The following ARHGEF1 variants were observed in gnomAD, a reference collection of about 807,000 sequenced individuals.
The protein encoded by ARHGEF1 is 115 kDa guanine nucleotide exchange factor.
ARHGEF1 carries 40 observed loss-of-function variants against 119.7 expected under a neutral mutation model. The observed-to-expected ratio is 0.33, with a 90% CI of 0.26 to 0.44. The LOEUF is 0.44. Ranked by LOEUF, ARHGEF1 falls within the 20% of genes least tolerant of loss-of-function variation. The probability of loss-of-function intolerance (pLI) is 1.00; values close to 1 mark genes in which losing one functional copy is unlikely to be tolerated. For missense variants in ARHGEF1, 976 were observed against 1,268.3 expected, an observed-to-expected ratio of 0.77 and a Z score of 3.50; for synonymous variants, 494 against 521.0, an observed-to-expected ratio of 0.95 and a Z score of 0.71.
At chr19:41,914,321 C>A (rs1424858101) in intron 18 of ARHGEF1, among the ~76,000 whole-genome samples, 2 of 151,380 alleles carry the variant, frequency 1.3e-5, no homozygotes, top group Non-Finnish European at 2.9e-5. Context: ...CCTTCCGTCT[C>A]CCCCCACCAT....
chr19:41,887,462 G>C (rs1465274675), intron 1 of ARHGEF1, among the ~76,000 whole-genome samples: 1 of 152,072 alleles, frequency 6.6e-6, no homozygotes, highest in Non-Finnish European at 1.5e-5. Context: ...GGGGAAAGAA[G>C]AACTTCTGGG....
chr19:41,894,773 A>G (rs1599642969), intron 11 of ARHGEF1, 112 bp downstream of exon 11: 3 of 844,478 alleles, frequency 3.6e-6, no homozygotes, highest in Admixed American at 2.3e-5. Flanking sequence ...CCTGGTTCTG[A>G]GGGAGGAGGG....
intron 1 of ARHGEF1, among the ~76,000 whole-genome samples, chr19:41,884,123 TAGG>T (rs1434849942): frequency 5.3e-5 from 8 of 151,978 alleles, no homozygotes; most frequent in Admixed American, 2.0e-4. Flanking sequence ...CTGGGGTGAC[TAGG>T]AGATCTCCGA....
At position 41,903,376 on chromosome 19, in the gene ARHGEF1, A is replaced by G. The variant is rs1555849463; in HGVS notation, c.1808A>G (p.Asn603Ser). 1.2e-6 allele frequency: 2 copies of G among 1,613,818 alleles called. No homozygotes were observed. The highest frequency in any genetic ancestry group is 1.3e-5 in the African/African-American group (1 of 74,922). ...ECCREILHHVNQAVRDMEDLL... is the reference protein window; with the variant it reads ...ECCREILHHVSQAVRDMEDLL... ...TGCCGGGAAATTCTACACCACGTCA[A>G]CCAAGCCGTGCGTGACATGGAGGAC... Residue 603 changes from asparagine to serine, a missense_variant, in exon 19 of 29, where the codon AAC becomes AGC. Physicochemically the swap from Asn to Ser is conservative, Grantham distance 46. Coordinates refer to ENST00000354532, the MANE Select transcript of ARHGEF1 (RefSeq NM_004706.4). This position sits in a 1 kb window ranked among gnomAD's most constrained non-coding sequence, Gnocchi z 4.2.
In ARHGEF1 at chr19:41,906,167, ACTGTCCTGGGTGCCC is replaced by A; in HGVS notation, c.2491+143_2491+157del. ...GCTCCAAACCCACCCAGCCTGCACC[ACTGTCCTGGGTGCCC>A]ACGTCCCTCTTCTGCAGCCACCATC... On this transcript the variant is annotated intron_variant, in intron 26 of 28. Transcript: ENST00000354532. The surrounding 1 kb of genome is among the most constrained non-coding windows in gnomAD (Gnocchi z 4.5). 2 of 806,708 alleles carry A rather than the reference ACTGTCCTGGGTGCCC, an allele frequency of 2.5e-6. No individual in the cohort carries two copies. The highest frequency in any genetic ancestry group is 4.0e-6 in the Non-Finnish European group (2 of 502,986). 50.0% of individuals were successfully genotyped at this position (806,708 alleles called of 1,614,324 possible).
In ARHGEF1 at chr19:41,902,936, CT is replaced by C. The variant is rs368741474; in HGVS notation, c.1738+48del. ...TGGATCTCTGGGCCTCGGCTCTCCT[CT>C]TTTTTTTTTACATTTTTTTTCTCAC... On this transcript the variant is annotated intron_variant, in intron 18 of 28. Transcript: ENST00000354532. The surrounding 1 kb of genome is among the most constrained non-coding windows in gnomAD (Gnocchi z 6.5). 6,814 of 1,238,260 alleles carry C rather than the reference CT, an allele frequency of 5.5e-3. 3 individuals carry two copies. The highest frequency in any genetic ancestry group is 0.016 in the African/African-American group (1,000 of 64,100). 76.7% of individuals were successfully genotyped at this position (1,238,260 alleles called of 1,614,324 possible).
rs934353746 is a variant in ARHGEF1 at position 41,902,083 on chromosome 19, G to A, written c.1414+50G>A. The A allele has an allele frequency of 6.2e-7, 1 of 1,606,358 alleles. No individual in the cohort carries two copies. Among genetic ancestry groups the A allele is most frequent in the Non-Finnish European group, 8.5e-7 (1 of 1,175,586 alleles). On this transcript the variant is annotated intron_variant, in intron 15 of 28. Transcript: ENST00000354532. This position sits in a 1 kb window ranked among gnomAD's most constrained non-coding sequence, Gnocchi z 6.5. ...TGTGTACCCCACTGCCCCACGGGCA[G>A]CTCTGCTCTAGCCCTGGGTTCAACC...
Position 41,892,504 on chromosome 19 carries a change from G to A in ARHGEF1, c.368-99G>A, listed in dbSNP as rs1376745628. Reference sequence around the variant, plus strand: ...GATTCATTCATTCCTTCTTGGCAGCGGCCTCAGGACGTGTGGCTGTTGGAG... The same window carrying A: ...GATTCATTCATTCCTTCTTGGCAGCAGCCTCAGGACGTGTGGCTGTTGGAG... On this transcript the variant is annotated intron_variant, in intron 6 of 28. Coordinates refer to ENST00000354532, the MANE Select transcript of ARHGEF1 (RefSeq NM_004706.4). The surrounding 1 kb of genome is among the most constrained non-coding windows in gnomAD (Gnocchi z 6.3). The A allele has an allele frequency of 2.0e-5, 32 of 1,580,572 alleles. No homozygotes were observed. The South Asian group carries it at 2.1e-4, about 10-fold the overall frequency.
At chr19:41,884,522 A>G in intron 1 of ARHGEF1, 1 of 1,605,070 alleles carries the variant, frequency 6.2e-7, no homozygotes, top group African/African-American at 1.3e-5. Flanking sequence ...AGCGGGTGTC[A>G]GACCCTGACT....
intron 14 of ARHGEF1, among the ~76,000 whole-genome samples, chr19:41,899,393 A>G (rs1245411675): frequency 1.3e-5 from 2 of 151,992 alleles, no homozygotes; most frequent in African/African-American, 2.4e-5. Context: ...TCAGTATATT[A>G]GCAGTGCTTG....
At chr19:41,914,629 G>GTCTCCGTCTCTCCCTCCCTTTCCACCA (rs2074779837) in intron 18 of ARHGEF1, among the ~76,000 whole-genome samples, 1 of 21,606 alleles carries the variant, frequency 4.6e-5, no homozygotes, top group Non-Finnish European at 7.3e-5. Context: ...CACCATCTCT[G>GTCTCCGTCTCTCCCTCCCTTTCCACCA]TCTCTGTCTC....
chr19:41,893,352 G>T, intron 8 of ARHGEF1, 49 bp downstream of exon 8: 1 of 1,525,032 alleles, frequency 6.6e-7, no homozygotes, highest in Non-Finnish European at 8.9e-7. Context: ...GAGGGAGGAG[G>T]GGGCTGAGGG....
intron 18 of ARHGEF1, among the ~76,000 whole-genome samples, chr19:41,915,261 T>C (rs2145893991): frequency 6.7e-6 from 1 of 149,874 alleles, no homozygotes; most frequent in Admixed American, 6.6e-5. Context: ...CTCCGGGCCC[T>C]GCTCCCACGC....
chr19:41,905,449 C>T lies in ARHGEF1; in HGVS notation c.2336+188C>T. 1 of 626,174 alleles carries T rather than the reference C, an allele frequency of 1.6e-6. No individual in the cohort carries two copies. The highest frequency in any genetic ancestry group is 1.9e-5 in the South Asian group (1 of 51,408). 38.8% of individuals were successfully genotyped at this position (626,174 alleles called of 1,614,324 possible). A position where few individuals can be genotyped will look rare whatever the true frequency, so the allele number is the denominator to read the frequency against. Reference sequence around the variant, plus strand: ...TGCATATATAGTGTGTGTATGCATGCATGTGTGCGTGTGCATGTGTGTGCG... The same window carrying T: ...TGCATATATAGTGTGTGTATGCATGTATGTGTGCGTGTGCATGTGTGTGCG... On this transcript the variant is annotated intron_variant, in intron 24 of 28. Coordinates refer to ENST00000354532, the MANE Select transcript of ARHGEF1 (RefSeq NM_004706.4). This position sits in a 1 kb window ranked among gnomAD's most constrained non-coding sequence, Gnocchi z 6.4.
intron 18 of ARHGEF1, among the ~76,000 whole-genome samples, chr19:41,913,096 G>C (rs1201157835): frequency 6.6e-6 from 1 of 150,588 alleles, no homozygotes; most frequent in Non-Finnish European, 1.5e-5. Context: ...CGCAGGCACC[G>C]CTCTGTCCCC....
downstream of ARHGEF1, among the ~76,000 whole-genome samples, chr19:41,911,070 A>G (rs1206580523): frequency 2.0e-5 from 3 of 152,176 alleles, no homozygotes; most frequent in East Asian, 5.8e-4. Flanking sequence ...ATGTCCCCAG[A>G]CACACAGGGT....
chr19:41,898,055 G>A lies in ARHGEF1; in HGVS notation c.1122-387G>A, dbSNP rs530121112. 2.6e-5 allele frequency: 35 copies of A among 1,345,392 alleles called. No homozygotes were observed. The East Asian group carries it at 4.2e-4, about 16-fold the overall frequency. 83.3% of individuals were successfully genotyped at this position (1,345,392 alleles called of 1,614,324 possible). A position where few individuals can be genotyped will look rare whatever the true frequency, so the allele number is the denominator to read the frequency against. On this transcript the variant is annotated intron_variant, in intron 13 of 28. Coordinates refer to ENST00000354532, the MANE Select transcript of ARHGEF1 (RefSeq NM_004706.4). ...CCGGGGTGGGGGCCGCTCCCGGAGC[G>A]ACGTGGACATGGACCCCAGTTCCGC...
Position 41,892,775 on chromosome 19 carries a change from GCGGGACCGAGCCAGCTACGAGGCC to G in ARHGEF1, c.546_569del (p.Asp182_Arg189del). 1 of 1,603,810 alleles carries G rather than the reference GCGGGACCGAGCCAGCTACGAGGCC, an allele frequency of 6.2e-7. No individual in the cohort carries two copies. Among genetic ancestry groups the G allele is most frequent in the Non-Finnish European group, 8.5e-7 (1 of 1,176,704 alleles). On this transcript the variant is annotated inframe_deletion, in exon 7 of 29. Coordinates refer to ENST00000354532, the MANE Select transcript of ARHGEF1 (RefSeq NM_004706.4). This position sits in a 1 kb window ranked among gnomAD's most constrained non-coding sequence, Gnocchi z 6.3. ...TGGCCCAGCTGGAGGCTTGGGTTGG[GCGGGACCGAGCCAGCTACGAGGCC>G]CGGGAGCGGCACGTGGCGGAGCGGC... is the stretch of plus-strand genomic sequence containing the variant.
At chr19:41,925,968 C>T (rs2074868507) in intron 1 of ARHGEF1, among the ~76,000 whole-genome samples, 1 of 151,732 alleles carries the variant, frequency 6.6e-6, no homozygotes, top group African/African-American at 2.4e-5. Context: ...TTGTGTGCAA[C>T]AGAAGGAATG....
Sources: gnomAD v4.1 joint callset for allele counts (sites outside exome capture counted in the v4.1 genomes callset) on GRCh38, gnomAD v4.1.1 for gene constraint, Gnocchi (gnomAD v3.1) non-coding constraint, MANE v1.5 for transcripts, NCBI Gene and HGNC (gene_info 2026-07-23, HGNC 2026-07-21) for gene names.